The following NBAS variants were observed in gnomAD, a reference collection of about 807,000 sequenced individuals.
The protein encoded by NBAS is NAG/BC035112 fusion.
In NBAS, 219 loss-of-function variants were observed where a neutral mutation model predicts 302.5. The observed-to-expected ratio is 0.72, with a 90% confidence interval of 0.65 to 0.81. The LOEUF (loss-of-function observed/expected upper bound fraction) is 0.81. Among genes scored for constraint, NBAS ranks in the 30% least tolerant of loss-of-function variants. The pLI, the probability that NBAS is intolerant of heterozygous loss-of-function variation, is 0.00. For synonymous variants in NBAS, 1,118 were observed against 1,021.6 expected, an observed-to-expected ratio of 1.09 and a Z score of -1.80; for missense variants, 2,932 against 2,841.6, an observed-to-expected ratio of 1.03 and a Z score of -0.72.
intron 11 of NBAS, among the ~76,000 whole-genome samples, chr2:15,495,746 A>C (rs1375417457): frequency 6.6e-6 from 1 of 152,134 alleles, no homozygotes; most frequent in Admixed American, 6.5e-5. Flanking sequence ...AACAAGAACC[A>C]CTTCACACCT....
chr2:15,419,854 G>A (rs1451185609), intron 23 of NBAS, among the ~76,000 whole-genome samples: 6 of 152,000 alleles, frequency 3.9e-5, no homozygotes, highest in Admixed American at 3.9e-4. Context: ...TGGGACTGCA[G>A]GCATCTGCCA....
At chr2:15,480,233 C>G (rs139112279) in intron 12 of NBAS, among the ~76,000 whole-genome samples, 29 of 152,062 alleles carry the variant, frequency 1.9e-4, no homozygotes, top group African/African-American at 7.0e-4. Context: ...CTCAGCTACT[C>G]AAGAGGCTGA....
intron 19 of NBAS, among the ~76,000 whole-genome samples, chr2:15,466,164 T>G (rs2148569543): frequency 6.6e-6 from 1 of 152,272 alleles, no homozygotes; most frequent in Non-Finnish European, 1.5e-5. Flanking sequence ...TTCAATTATA[T>G]TAGCAGGGTG....
rs114469836 is a variant in NBAS at position 15,446,773 on chromosome 2, A to G, written c.2339+14428T>C. On this transcript the variant is annotated intron_variant, in intron 21 of 51. Transcript: ENST00000281513. ...GCAAAAGCCAGAAGGAGGAAAATGG[A>G]AAAACATTATTTTAAGTTCTTACAT... Among the ~76,000 whole-genome samples the G allele has an allele frequency of 2.9e-3, 447 of 152,282 alleles. 1 individual carries two copies. The highest frequency in any genetic ancestry group is 0.01 in the African/African-American group (416 of 41,558).
At position 15,292,715 on chromosome 2, in the gene NBAS, C is replaced by T. The variant is rs762782802; in HGVS notation, c.4849G>A (p.Glu1617Lys). The T allele has an allele frequency of 4.3e-6, 7 of 1,614,084 alleles. No homozygotes were observed. In the African/African-American group the frequency reaches 6.7e-5, roughly 15 times the overall value. The change falls in exon 41 of 52, where the codon GAG becomes AAG. Residue 1617 changes from glutamate (E) to lysine (K), a missense_variant. By Grantham distance (56) the Glu-to-Lys change is moderately conservative. Transcript: ENST00000281513. ...KMVTRHVTRH[E>K]HEAWPEDLIS... ...AGGTCTTCAGGCCAGGCTTCGTGCT[C>T]ATGTCGAGTCACATGCCTGGTGACC... is the stretch of plus-strand genomic sequence containing the variant.
chr2:15,160,039 C>T, the NBAS span, among the ~76,000 whole-genome samples: 1 of 152,154 alleles, frequency 6.6e-6, no homozygotes, highest in Admixed American at 6.5e-5. Flanking sequence ...AAGCAGCCAC[C>T]AATCCAGACA....
chr2:15,540,729 G>GT (rs35180334), intron 6 of NBAS, among the ~76,000 whole-genome samples: 118 of 146,244 alleles, frequency 8.1e-4, no homozygotes, highest in South Asian at 1.5e-3. Flanking sequence ...TTTGTTTTTT[G>GT]TTTTTTTTTT....
intron 44 of NBAS, among the ~76,000 whole-genome samples, chr2:15,253,683 C>T (rs922934022): frequency 1.3e-5 from 2 of 152,178 alleles, no homozygotes; most frequent in Non-Finnish European, 1.5e-5. Flanking sequence ...CAGCCTTCAA[C>T]TAACACAAGA....
chr2:15,388,859 C>T (rs1323957079), intron 28 of NBAS, among the ~76,000 whole-genome samples: 3 of 151,802 alleles, frequency 2.0e-5, no homozygotes, highest in South Asian at 2.1e-4. Flanking sequence ...ACAAACATAA[C>T]GTCGAGAGAA....
In NBAS at chr2:15,167,198, T is replaced by A. The variant is rs1021405951; in HGVS notation, c.6966A>T (p.Gln2322His). ...CCAGCTCCTCTGCATCCCAGCGCCC[T>A]TGCTGGAGGCTAGCCAAGAGGTGGT... is the stretch of plus-strand genomic sequence containing the variant. ...IVDHLLASLQ[Q>H]GRWDAEELGR... The change falls in exon 52 of 52, where the codon CAA becomes CAT. Residue 2322 changes from glutamine (Q) to histidine (H), a missense_variant. By Grantham distance (24) the Gln-to-His change is conservative (BLOSUM62 0). Transcript: ENST00000281513. The A allele has an allele frequency of 6.2e-7, 1 of 1,614,106 alleles. No homozygotes were observed.
At chr2:14,842,861 A>C in the NBAS span, among the ~76,000 whole-genome samples, 73,576 of 145,906 alleles carry the variant, frequency 0.5, 19,394 homozygotes, top group African/African-American at 0.68. Flanking sequence ...AAAAAAAAAA[A>C]AAACATATAC....
intron 31 of NBAS, among the ~76,000 whole-genome samples, chr2:15,369,051 T>C (rs1240715025): frequency 6.6e-6 from 1 of 152,204 alleles, no homozygotes; most frequent in East Asian, 1.9e-4. Flanking sequence ...TCCGCTACTA[T>C]TTTATGGGGC....
At chr2:15,449,050 G>A (rs1678883000) in intron 21 of NBAS, among the ~76,000 whole-genome samples, 2 of 151,860 alleles carry the variant, frequency 1.3e-5, no homozygotes, top group Admixed American at 6.6e-5. Context: ...CCATGAAAAG[G>A]GTATCATTTG....
Position 15,443,271 on chromosome 2 carries a change from G to A in NBAS, c.2340-15477C>T, listed in dbSNP as rs1234109718. On this transcript the variant is annotated intron_variant, in intron 21 of 51. Transcript: ENST00000281513. The stretch of plus-strand genomic sequence containing the variant: ...ATCCTCAATAAAATACTGGCAAACC[G>A]AATCCAGCAGCACATCAAAAAGCTT... 8.6e-5 allele frequency among the ~76,000 whole-genome samples: 13 copies of A among 151,364 alleles called. 1 individual carries two copies. The highest frequency in any genetic ancestry group is 2.0e-4 in the East Asian group (1 of 5,104).
intron 17 of NBAS, among the ~76,000 whole-genome samples, 199 bp downstream of exon 17, chr2:15,468,183 T>G (rs925965810): frequency 1.8e-4 from 27 of 152,206 alleles, no homozygotes; most frequent in African/African-American, 6.5e-4. Flanking sequence ...ACTTCTCAGA[T>G]ATACTCTCAT....
intron 6 of NBAS, among the ~76,000 whole-genome samples, chr2:15,548,075 T>A (rs1257196748): frequency 5.3e-5 from 8 of 152,230 alleles, no homozygotes. Flanking sequence ...GACAGTATTA[T>A]ATATAATAAA....
the NBAS span, among the ~76,000 whole-genome samples, chr2:14,804,784 A>G: frequency 6.6e-6 from 1 of 152,242 alleles, no homozygotes; most frequent in Non-Finnish European, 1.5e-5. Flanking sequence ...TGTATGTAAT[A>G]AGATAAAAAT....
At chr2:15,337,199 T>C (rs1053072986) in intron 35 of NBAS, among the ~76,000 whole-genome samples, 1 of 152,130 alleles carries the variant, frequency 6.6e-6, no homozygotes, top group African/African-American at 2.4e-5. Flanking sequence ...CATGTGCCTA[T>C]AGTCTTAGCT....
intron 29 of NBAS, among the ~76,000 whole-genome samples, chr2:15,380,697 C>G (rs1048668651): frequency 6.6e-6 from 1 of 152,142 alleles, no homozygotes; most frequent in African/African-American, 2.4e-5. Flanking sequence ...TCCTTTTAAA[C>G]GTACATTAAC....
Sources: allele counts gnomAD v4.1 joint callset (sites outside exome capture counted in the v4.1 genomes callset), GRCh38; gene constraint gnomAD v4.1.1; transcripts MANE v1.5; gene names NCBI Gene and HGNC (gene_info 2026-07-23, HGNC 2026-07-21).